Variants in HARS2 observed in about 807,000 individuals in gnomAD.
The protein encoded by HARS2 is histidine--tRNA ligase, mitochondrial.
HARS2 carries 40 observed loss-of-function variants against 62.4 expected under a neutral mutation model. The ratio of observed to expected loss-of-function variants is 0.64; its 90% CI spans 0.50 to 0.83. The LOEUF (loss-of-function observed/expected upper bound fraction) is 0.83. Ranked by LOEUF, HARS2 falls within the 40% of genes least tolerant of loss-of-function variation. HARS2 has a pLI of 0.00. For missense variants in HARS2, 569 were observed against 626.4 expected (o/e 0.91, Z 0.98); for synonymous variants, 228 against 227.0 (o/e 1.00, Z -0.04).
chr5:140,697,845 A>T, intron 11 of HARS2, 87 bp from the exon 12 acceptor site: 1 of 1,454,154 alleles, frequency 6.9e-7, no homozygotes, highest in South Asian at 1.1e-5. Context: ...CTAGCCACTT[A>T]TCTCTGGCTT....
rs749557934 is a variant in HARS2, at chr5:140,696,516, T to C, written c.733-5T>C. On this transcript the variant is annotated splice_region_variant and splice_polypyrimidine_tract_variant and intron_variant, in intron 7 of 12. Transcript: ENST00000230771. ...GGCTGGGCTAATGTTTGGGTGTTTA[T>C]GCAGATGGCTTGGAAAGATGTGAGA... 21 of 1,608,582 alleles carry C rather than the reference T, an allele frequency of 1.3e-5. No homozygotes were observed. In the East Asian group the frequency reaches 3.6e-4, roughly 27 times the overall value.
At chr5:140,693,740 C>T (rs894507348) in intron 2 of HARS2, 75 bp downstream of exon 2, 2 of 1,303,676 alleles carry the variant, frequency 1.5e-6, no homozygotes, top group African/African-American at 1.5e-5. Flanking sequence ...TCTCTCTGAC[C>T]CCTTTTAATG....
intron 1 of HARS2, among the ~76,000 whole-genome samples, chr5:140,692,493 T>G (rs1042830180): frequency 1.3e-5 from 2 of 152,268 alleles, no homozygotes; most frequent in African/African-American, 4.8e-5. Flanking sequence ...AATCCATATC[T>G]TATCATTCCA....
chr5:140,695,449 T>A, intron 4 of HARS2, 59 bp from the exon 5 acceptor site: 1 of 1,599,230 alleles, frequency 6.3e-7, no homozygotes, highest in South Asian at 1.1e-5. Flanking sequence ...CCCTAATGTC[T>A]GTATACTGGG....
At chr5:140,693,462 A>G (rs757077858) in intron 1 of HARS2, 129 bp from the exon 2 acceptor site, 1 of 1,571,706 alleles carries the variant, frequency 6.4e-7, no homozygotes, top group African/African-American at 1.4e-5. Context: ...GGGATAGATG[A>G]AATGGTGCTT....
At position 140,696,162 on chromosome 5, in the gene HARS2, G is replaced by A; in HGVS notation, c.693G>A (p.Lys231=). The change falls in exon 7 of 13, where the codon AAG becomes AAA. Residue 231 remains lysine, a synonymous_variant. Transcript: ENST00000230771. ...CTGTCTGTGGTGTTCCTGAAAGCAA[G>A]TTCCGTGCCATCTGCTCCTCCATAG... is the stretch of plus-strand genomic sequence containing the variant. ...MFAVCGVPES[K]FRAICSSIDK... is the part of the protein sequence containing the mutation. The A allele has an allele frequency of 6.2e-7, 1 of 1,613,862 alleles. No individual in the cohort carries two copies. Among genetic ancestry groups the A allele is most frequent in the South Asian group, 1.1e-5 (1 of 91,086 alleles).
rs906553273 is a variant in HARS2 at position 140,695,616 on chromosome 5, A to T, written c.508A>T (p.Arg170Trp). Reference protein sequence around the residue: ...ESPTIVQGRYREFCQCDFDIA... With the variant: ...ESPTIVQGRYWEFCQCDFDIA... ...CCCAACCATAGTCCAAGGCCGTTATAGGGAGTTCTGCCAGTGTGTAAGTGA... is the reference window on the plus strand; with the variant it reads ...CCCAACCATAGTCCAAGGCCGTTATTGGGAGTTCTGCCAGTGTGTAAGTGA... The change falls in exon 5 of 13, where the codon AGG becomes TGG. Residue 170 changes from arginine (R) to tryptophan (W), a missense_variant. Arg to Trp is a moderately radical substitution (Grantham distance 101). Coordinates refer to ENST00000230771, the MANE Select transcript of HARS2 (RefSeq NM_012208.4). 1 of 1,614,254 alleles carries T rather than the reference A, an allele frequency of 6.2e-7. No individual in the cohort carries two copies. Among genetic ancestry groups the T allele is most frequent in the African/African-American group, 1.3e-5 (1 of 75,070 alleles).
In HARS2 at chr5:140,696,828, CT is replaced by C. The variant is rs373912206; in HGVS notation, c.827-93del. The C allele has an allele frequency of 0.22, 140,892 of 644,652 alleles. 19 individuals carry two copies. The highest frequency in any genetic ancestry group is 0.27 in the South Asian group (15,015 of 56,012). 39.9% of individuals were successfully genotyped at this position (644,652 alleles called of 1,614,324 possible). ...GGGTCTTGTCATGTGAGACTGGGATCTTTTTTTTTTTTTTTTTTTTTTAAAG... is the reference window on the plus strand; with the variant it reads ...GGGTCTTGTCATGTGAGACTGGGATCTTTTTTTTTTTTTTTTTTTTTAAAG... On this transcript the variant is annotated intron_variant, in intron 8 of 12. Coordinates refer to ENST00000230771, the MANE Select transcript of HARS2 (RefSeq NM_012208.4).
intron 6 of HARS2, 79 bp downstream of exon 6, chr5:140,695,924 C>A: frequency 8.8e-7 from 1 of 1,130,428 alleles, no homozygotes; most frequent in Non-Finnish European, 1.4e-6. Flanking sequence ...ACTTGGGTGA[C>A]TCCAACCCTT....
At chr5:140,694,440 C>G (rs571064268) in intron 4 of HARS2, among the ~76,000 whole-genome samples, 160 bp downstream of exon 4, 1 of 152,336 alleles carries the variant, frequency 6.6e-6, no homozygotes, top group East Asian at 1.9e-4. Flanking sequence ...TGGCCTGGAG[C>G]CCTGTCATTT....
In HARS2 at chr5:140,698,723, C is replaced by A; in HGVS notation, c.*171C>A. The A allele has an allele frequency of 1.4e-6, 1 of 710,948 alleles. No individual in the cohort carries two copies. The highest frequency in any genetic ancestry group is 2.6e-5 in the East Asian group (1 of 38,132). The allele number at this position is 710,948 out of a possible 1,614,324, so 44.0% of individuals were successfully genotyped here. A position where few individuals can be genotyped will look rare whatever the true frequency, so the allele number is the denominator to read the frequency against. ...GAACTGTAGAAGACCCTGAGGACTC[C>A]TGGGCTAGTGTGAGCAGCTATTCTG... On this transcript the variant is annotated 3_prime_UTR_variant, in exon 13 of 13. Coordinates refer to ENST00000230771, the MANE Select transcript of HARS2 (RefSeq NM_012208.4).
chr5:140,697,667 T>C lies in HARS2; in HGVS notation c.1296T>C (p.Leu432=). ...AACGGTTGAAGCTTATTGCAGAGCT[T>C]TGGGATTCTGGAATCAAGGTATGGT... ...LQERLKLIAE[L]WDSGIKAEML... The change falls in exon 11 of 13, where the codon CTT becomes CTC. Residue 432 remains leucine, a synonymous_variant. Transcript: ENST00000230771. 1 of 1,611,716 alleles carries C rather than the reference T, an allele frequency of 6.2e-7. No homozygotes were observed. Among genetic ancestry groups the C allele is most frequent in the Non-Finnish European group, 8.5e-7 (1 of 1,177,800 alleles).
rs1759488154 is a variant in HARS2 at position 140,691,710 on chromosome 5, G to A, written c.62G>A (p.Arg21Gln). 1 of 1,552,890 alleles carries A rather than the reference G, an allele frequency of 6.4e-7. No individual in the cohort carries two copies. Among genetic ancestry groups the A allele is most frequent in the Non-Finnish European group, 8.7e-7 (1 of 1,148,000 alleles). The change falls in exon 1 of 13, where the codon CGA (arginine) becomes CAA (glutamine). Residue 21 changes from arginine to glutamine, a missense_variant. By Grantham distance (43) the Arg-to-Gln change is conservative. Transcript: ENST00000230771. ...GCTTCGCTGCTCAGCCAGCTCCTGCGACCGCCCTGCGCTTCGTGCACCGGG... is the reference window on the plus strand; with the variant it reads ...GCTTCGCTGCTCAGCCAGCTCCTGCAACCGCCCTGCGCTTCGTGCACCGGG... ...AWASLLSQLLRPPCASCTGAV... is the reference protein window; with the variant it reads ...AWASLLSQLLQPPCASCTGAV...
chr5:140,693,534 G>A (rs1331430223), intron 1 of HARS2, 57 bp from the exon 2 acceptor site: 6 of 1,613,656 alleles, frequency 3.7e-6, no homozygotes, highest in African/African-American at 2.7e-5. Context: ...GGTCAGAGAT[G>A]CCACAGGTCT....
At position 140,696,216 on chromosome 5, in the gene HARS2, A is replaced by G. The variant is rs114966969; in HGVS notation, c.732+15A>G. ...AACTAGACAAGGTAACAAAGAAGAC[A>G]TACTTCAGTAGACCCTATCTAGCTT... is the stretch of plus-strand genomic sequence containing the variant. On this transcript the variant is annotated intron_variant, in intron 7 of 12. Transcript: ENST00000230771. The G allele has an allele frequency of 1.8e-4, 267 of 1,514,690 alleles. No homozygotes were observed. The African/African-American group carries it at 2.8e-3, about 16-fold the overall frequency. The allele number at this position is 1,514,690 out of a possible 1,614,324, so 93.8% of individuals were successfully genotyped here.
intron 12 of HARS2, 32 bp downstream of exon 12, chr5:140,698,110 A>G: frequency 6.2e-7 from 1 of 1,601,338 alleles, no homozygotes; most frequent in Admixed American, 1.7e-5. Flanking sequence ...AGAAGGGACG[A>G]AGTATTTCTG....
Position 140,698,682 on chromosome 5 carries a change from A to G in HARS2, c.*130A>G. ...GTGACAAGTACCTTCTGCCTCCTCC[A>G]TTCTTCCTGGGTGCAGAACTGTAGA... On this transcript the variant is annotated 3_prime_UTR_variant, in exon 13 of 13. Transcript: ENST00000230771. The G allele has an allele frequency of 3.7e-6, 3 of 815,592 alleles. No individual in the cohort carries two copies. Among genetic ancestry groups the G allele is most frequent in the Non-Finnish European group, 6.6e-6 (3 of 456,800 alleles). 50.5% of individuals were successfully genotyped at this position (815,592 alleles called of 1,614,324 possible). A position where few individuals can be genotyped will look rare whatever the true frequency, so the allele number is the denominator to read the frequency against.
At chr5:140,693,756 T>C in intron 2 of HARS2, 91 bp downstream of exon 2, 3 of 1,270,674 alleles carry the variant, frequency 2.4e-6, no homozygotes, top group Non-Finnish European at 3.5e-6. Flanking sequence ...TAATGTTCTT[T>C]ACAGTAAATT....
intron 11 of HARS2, 48 bp downstream of exon 11, chr5:140,697,733 G>T (rs1327146377): frequency 4.4e-6 from 6 of 1,377,652 alleles, no homozygotes; most frequent in Non-Finnish European, 6.2e-6. Context: ...GTGGAATTTA[G>T]GACCCAGGGC....
Sources: allele counts gnomAD v4.1 joint callset (sites outside exome capture counted in the v4.1 genomes callset), GRCh38; gene constraint gnomAD v4.1.1; transcripts MANE v1.5; gene names NCBI Gene and HGNC (gene_info 2026-07-23, HGNC 2026-07-21).